ONECUT2: variants seen among roughly 807,000 people sequenced by gnomAD.
ONECUT2 encodes the protein one cut homeobox 2, also known as one cut domain family member 2.
A neutral mutation model predicts 27.9 loss-of-function variants in ONECUT2; 10 were observed. The observed-to-expected ratio is 0.36, with a 90% CI of 0.22 to 0.61. The LOEUF (loss-of-function observed/expected upper bound fraction) is 0.61. Among genes scored for constraint, ONECUT2 ranks in the 20% least tolerant of loss-of-function variants. The pLI, the probability that ONECUT2 is intolerant of heterozygous loss-of-function variation, is 0.73. For missense variants in ONECUT2, 686 were observed against 721.0 expected, an observed-to-expected ratio of 0.95 and a Z score of 0.56; for synonymous variants, 334 against 315.1, an observed-to-expected ratio of 1.06 and a Z score of -0.64.
rs1261992050 is a variant in ONECUT2 at position 57,481,905 on chromosome 18, T to C, written c.*5182T>C. On this transcript the variant is annotated 3_prime_UTR_variant, in exon 2 of 2. Transcript: ENST00000491143. ...GTTAGAGCTGACTTTTTGTTTTTGT[T>C]GTTGCTGATGCTGTGTGATTCAGAC... 1.3e-5 allele frequency: 2 copies of C among 152,220 alleles called. No individual in the cohort carries two copies. Among genetic ancestry groups the C allele is most frequent in the African/African-American group, 4.8e-5 (2 of 41,452 alleles). The allele number at this position is 152,220 out of a possible 1,614,324, so 9.4% of individuals were successfully genotyped here.
rs757990732 is a variant in ONECUT2 at position 57,436,328 on chromosome 18, C to G, written c.612C>G (p.Leu204=). Residue 204 remains leucine, a synonymous_variant, in exon 1 of 2, where the codon CTC becomes CTG. Coordinates refer to ENST00000491143, the MANE Select transcript of ONECUT2 (RefSeq NM_004852.3). The surrounding 1 kb of genome is among the most constrained non-coding windows in gnomAD (Gnocchi z 5.9). The part of the protein sequence containing the change: ...SFTLMRDERG[L]PAMNNLYSPY... ...CCCTCATGCGCGACGAGCGCGGGCT[C>G]CCGGCCATGAACAACCTCTACAGTC... 5 of 1,604,856 alleles carry G rather than the reference C, an allele frequency of 3.1e-6. No individual in the cohort carries two copies. The East Asian group carries it at 1.1e-4, about 36-fold the overall frequency.
At chr18:57,463,894 T>C (rs1304379932) in intron 1 of ONECUT2, among the ~76,000 whole-genome samples, 4 of 152,146 alleles carry the variant, frequency 2.6e-5, no homozygotes, top group Non-Finnish European at 5.9e-5. Flanking sequence ...AATATTGATT[T>C]TCTATGTTCA....
Position 57,436,549 on chromosome 18 carries a change from C to T in ONECUT2, c.833C>T (p.Ser278Phe). The change falls in exon 1 of 2, where the codon TCC becomes TTC. Residue 278 changes from serine to phenylalanine, a missense_variant. Transcript: ENST00000491143. This position sits in a 1 kb window ranked among gnomAD's most constrained non-coding sequence, Gnocchi z 5.9. ...AMLTRGEQHL[S>F]RGLGTPPAAM... ...CTGACCCGCGGTGAGCAACACCTGT[C>T]CCGCGGCCTGGGCACCCCACCTGCG... 6.2e-7 allele frequency: 1 copy of T among 1,612,088 alleles called. No homozygotes were observed. Among genetic ancestry groups the T allele is most frequent in the Non-Finnish European group, 8.5e-7 (1 of 1,179,886 alleles).
At chr18:57,444,369 C>T (rs1174777931) in intron 1 of ONECUT2, 1 of 456,694 alleles carries the variant, frequency 2.2e-6, no homozygotes, top group Admixed American at 2.3e-5. Flanking sequence ...GCTCATTTTT[C>T]TGCCGTATTT....
Position 57,436,418 on chromosome 18 carries a change from C to A in ONECUT2, c.702C>A (p.Asn234Lys), listed in dbSNP as rs756746181. The A allele has an allele frequency of 2.5e-6, 4 of 1,611,654 alleles. No individual in the cohort carries two copies. Among genetic ancestry groups the A allele is most frequent in the Middle Eastern group, 3.3e-4 (2 of 6,062 alleles). Residue 234 changes from asparagine (N) to lysine (K), a missense_variant, in exon 1 of 2, where the codon AAC becomes AAA. By Grantham distance (94) the Asn-to-Lys change is moderately conservative (BLOSUM62 0). Coordinates refer to ENST00000491143, the MANE Select transcript of ONECUT2 (RefSeq NM_004852.3). The surrounding 1 kb of genome is among the most constrained non-coding windows in gnomAD (Gnocchi z 5.9). ...CGCTGGCCGCCACGCCGCTGGGCAA[C>A]GGGCTAGGCGGCCTCCACAACGCGC... The part of the protein sequence containing the change: ...LSPLAATPLG[N>K]GLGGLHNAQQ...
At position 57,435,602 on chromosome 18, in the gene ONECUT2, C is replaced by G; in HGVS notation, c.-115C>G. On this transcript the variant is annotated 5_prime_UTR_variant, in exon 1 of 2. Transcript: ENST00000491143. The stretch of plus-strand genomic sequence containing the variant: ...GGCGCACACCCGCACGCGCACTCCT[C>G]TCCACTCACTCCCGCGCCCGCCCCC... The G allele has an allele frequency of 1.1e-5, 10 of 919,564 alleles. No homozygotes were observed. The highest frequency in any genetic ancestry group is 1.3e-5 in the Non-Finnish European group (10 of 770,342). The allele number at this position is 919,564 out of a possible 1,614,324, so 57.0% of individuals were successfully genotyped here.
chr18:57,469,642 C>T (rs1355005345), intron 1 of ONECUT2, among the ~76,000 whole-genome samples: 2 of 152,226 alleles, frequency 1.3e-5, no homozygotes, highest in African/African-American at 4.8e-5. Flanking sequence ...AGAAAACAAA[C>T]ATCTTTAACC....
intron 1 of ONECUT2, among the ~76,000 whole-genome samples, chr18:57,448,494 A>T (rs982929566): frequency 6.6e-6 from 1 of 152,230 alleles, no homozygotes; most frequent in Non-Finnish European, 1.5e-5. Context: ...ATGAGCAGGA[A>T]CATATCTGAA....
chr18:57,478,436 A>G lies in ONECUT2; in HGVS notation c.*1713A>G. 6.5e-6 allele frequency: 1 copy of G among 152,690 alleles called. No homozygotes were observed. The highest frequency in any genetic ancestry group is 1.9e-4 in the East Asian group (1 of 5,202). 9.5% of individuals were successfully genotyped at this position (152,690 alleles called of 1,614,324 possible). A position where few individuals can be genotyped will look rare whatever the true frequency, so the allele number is the denominator to read the frequency against. ...TGCACCTACTTCTGCAACAAACAAA[A>G]CTGTCCCATTAAAATGAATAAATAA... On this transcript the variant is annotated 3_prime_UTR_variant, in exon 2 of 2. Transcript: ENST00000491143.
chr18:57,475,493 C>T (rs1035982139), intron 1 of ONECUT2, among the ~76,000 whole-genome samples: 4 of 152,152 alleles, frequency 2.6e-5, no homozygotes, highest in Admixed American at 2.6e-4. Flanking sequence ...CGTCAAGAAG[C>T]CATTTGTCCT....
intron 1 of ONECUT2, among the ~76,000 whole-genome samples, chr18:57,466,870 C>T (rs992343230): frequency 6.7e-6 from 1 of 149,680 alleles, no homozygotes; most frequent in Admixed American, 6.7e-5. Context: ...TTTGAGGCTA[C>T]TCATGTTTGT....
In ONECUT2 at chr18:57,476,430, C is replaced by T. The variant is rs1280116019; in HGVS notation, c.1229-7C>T. ...TGACTCCTCTCCTTCTTCTCTTTCC[C>T]TTCAAGCGTGCAAACGCAAAGAGCA... On this transcript the variant is annotated splice_region_variant and splice_polypyrimidine_tract_variant and intron_variant, in intron 1 of 1. Transcript: ENST00000491143. The T allele has an allele frequency of 1.2e-6, 2 of 1,613,056 alleles. No homozygotes were observed. The highest frequency in any genetic ancestry group is 1.7e-6 in the Non-Finnish European group (2 of 1,179,324).
At chr18:57,437,187 T>C (rs1305529158) in intron 1 of ONECUT2, among the ~76,000 whole-genome samples, 1 of 127,508 alleles carries the variant, frequency 7.8e-6, no homozygotes, top group Non-Finnish European at 1.6e-5. Flanking sequence ...GAGCTTTCAT[T>C]GACCGACCCC....
At chr18:57,440,525 GC>G (rs1191196486) in intron 1 of ONECUT2, among the ~76,000 whole-genome samples, 1 of 152,232 alleles carries the variant, frequency 6.6e-6, no homozygotes, top group African/African-American at 2.4e-5. Context: ...CCGACGCACG[GC>G]CCTCTCCTGG....
chr18:57,441,200 G>A (rs1454128412), intron 1 of ONECUT2, among the ~76,000 whole-genome samples: 1 of 152,246 alleles, frequency 6.6e-6, no homozygotes, highest in Non-Finnish European at 1.5e-5. Flanking sequence ...GTATATGGAG[G>A]GAGATCGATG....
chr18:57,446,929 G>A (rs1404194047), intron 1 of ONECUT2, among the ~76,000 whole-genome samples: 1 of 152,234 alleles, frequency 6.6e-6, no homozygotes, highest in African/African-American at 2.4e-5. Context: ...TTGTGCCAGT[G>A]AGGGCTGTGC....
intron 1 of ONECUT2, among the ~76,000 whole-genome samples, chr18:57,451,260 T>G (rs2050228583): frequency 6.6e-6 from 1 of 152,248 alleles, no homozygotes; most frequent in African/African-American, 2.4e-5. Flanking sequence ...CAGATTTTTA[T>G]TTTCTGTTGC....
In ONECUT2 at chr18:57,487,509, A is replaced by G. The variant is rs893057348; in HGVS notation, c.*10786A>G. The G allele has an allele frequency of 1.3e-5, 2 of 151,952 alleles. No homozygotes were observed. Among genetic ancestry groups the G allele is most frequent in the Admixed American group, 1.3e-4 (2 of 15,236 alleles). 9.4% of individuals were successfully genotyped at this position (151,952 alleles called of 1,614,324 possible). On this transcript the variant is annotated 3_prime_UTR_variant, in exon 2 of 2. Coordinates refer to ENST00000491143, the MANE Select transcript of ONECUT2 (RefSeq NM_004852.3). Reference sequence around the variant, plus strand: ...GCGTGGTTTCTTCTCGTATTTTGTGATCAGGTCAGCTCCCAGTAGAAACTC... The same window carrying G: ...GCGTGGTTTCTTCTCGTATTTTGTGGTCAGGTCAGCTCCCAGTAGAAACTC...
chr18:57,467,444 C>A (rs1473364830), intron 1 of ONECUT2, among the ~76,000 whole-genome samples: 1 of 152,138 alleles, frequency 6.6e-6, no homozygotes, highest in Admixed American at 6.5e-5. Context: ...TGGCTCACTG[C>A]AATCTCTGCC....
Sources: allele counts gnomAD v4.1 joint callset (sites outside exome capture counted in the v4.1 genomes callset), GRCh38; gene constraint gnomAD v4.1.1; non-coding constraint Gnocchi (gnomAD v3.1); transcripts MANE v1.5; gene names NCBI Gene and HGNC (gene_info 2026-07-23, HGNC 2026-07-21).